The following HPSE2 variants were observed in gnomAD, a reference collection of about 807,000 sequenced individuals.
HPSE2 encodes inactive heparanase-2.
A neutral mutation model predicts 60.5 loss-of-function variants in HPSE2; 38 were observed. The observed-to-expected ratio is 0.63, with a 90% confidence interval of 0.48 to 0.82. HPSE2 has a LOEUF of 0.82. Ranked by LOEUF, HPSE2 falls within the 40% of genes least tolerant of loss-of-function variation. The pLI, the probability that HPSE2 is intolerant of heterozygous loss-of-function variation, is 0.00. For missense variants in HPSE2, 713 were observed against 740.4 expected, an observed-to-expected ratio of 0.96 and a Z score of 0.43; for synonymous variants, 295 against 293.2, an observed-to-expected ratio of 1.01 and a Z score of -0.06.
chr10:98,870,878 C>T (rs1048432800), intron 3 of HPSE2, among the ~76,000 whole-genome samples: 5 of 151,340 alleles, frequency 3.3e-5, no homozygotes, highest in African/African-American at 4.9e-5. Flanking sequence ...TCATGAATGG[C>T]TTGATGCTAT....
intron 3 of HPSE2, among the ~76,000 whole-genome samples, chr10:98,764,805 C>T (rs1377019413): frequency 1.3e-5 from 2 of 151,966 alleles, no homozygotes; most frequent in South Asian, 2.1e-4. Context: ...TGCAGTGAGC[C>T]GAGATGGCAC....
At chr10:98,916,621 G>A (rs914187805) in intron 3 of HPSE2, among the ~76,000 whole-genome samples, 1 of 152,186 alleles carries the variant, frequency 6.6e-6, no homozygotes, top group African/African-American at 2.4e-5. Flanking sequence ...CCTCTGGCTT[G>A]TCACAAAACT....
In HPSE2 at chr10:98,721,698, A is replaced by G. The variant is rs1448333389; in HGVS notation, c.915T>C (p.Asn305=). The change falls in exon 5 of 12, where the codon AAT becomes AAC. Residue 305 remains asparagine (N), a synonymous_variant. Transcript: ENST00000370552. ...IYSRASLYGP[N]IGRPRKNVIA... ...TGACATTCTTCCTCGGCCGCCCAAT[A>G]TTAGGGCCATATAAGCTGGCTCTGG... 1 of 1,613,766 alleles carries G rather than the reference A, an allele frequency of 6.2e-7. No homozygotes were observed. Among genetic ancestry groups the G allele is most frequent in the Non-Finnish European group, 8.5e-7 (1 of 1,179,922 alleles).
chr10:98,719,909 G>A (rs919491076), intron 5 of HPSE2, among the ~76,000 whole-genome samples: 6 of 151,838 alleles, frequency 4.0e-5, no homozygotes, highest in Non-Finnish European at 8.8e-5. Context: ...GTTGAGGCAG[G>A]AGAATTGCTT....
chr10:98,976,721 C>T (rs1354123451), intron 3 of HPSE2, among the ~76,000 whole-genome samples: 4 of 148,554 alleles, frequency 2.7e-5, no homozygotes, highest in Admixed American at 2.0e-4. Flanking sequence ...ACAATTGTTG[C>T]TATCCGTGGT....
chr10:98,816,957 C>G (rs1158098654), intron 3 of HPSE2, among the ~76,000 whole-genome samples: 1 of 152,054 alleles, frequency 6.6e-6, no homozygotes, highest in Non-Finnish European at 1.5e-5. Context: ...GGACTGGCTT[C>G]TTTGGAATCG....
intron 3 of HPSE2, among the ~76,000 whole-genome samples, chr10:98,816,638 G>A (rs1951296523): frequency 1.3e-5 from 2 of 152,112 alleles, no homozygotes; most frequent in South Asian, 4.1e-4. Flanking sequence ...CTCTCCAGCT[G>A]GAAGTACCCC....
intron 3 of HPSE2, among the ~76,000 whole-genome samples, chr10:98,809,547 C>T (rs568790921): frequency 6.6e-4 from 101 of 151,916 alleles, no homozygotes; most frequent in African/African-American, 2.4e-3. Flanking sequence ...TTTGTATATC[C>T]ACAGATAAAA....
At chr10:99,254,104 T>C in the HPSE2 span, among the ~76,000 whole-genome samples, 1 of 152,174 alleles carries the variant, frequency 6.6e-6, no homozygotes, top group Non-Finnish European at 1.5e-5. Flanking sequence ...CAAAAAGACA[T>C]ATGCACTCGC....
At chr10:99,185,228 C>CA (rs1319767992) in intron 2 of HPSE2, among the ~76,000 whole-genome samples, 1 of 151,610 alleles carries the variant, frequency 6.6e-6, no homozygotes. Context: ...CACTTGAACC[C>CA]AGGAGGCAGA....
chr10:98,496,845 T>A (rs1017887675), intron 9 of HPSE2, among the ~76,000 whole-genome samples: 1 of 152,184 alleles, frequency 6.6e-6, no homozygotes, highest in African/African-American at 2.4e-5. Flanking sequence ...CTGTTCAAGT[T>A]TGTAGTTTGA....
At chr10:98,798,126 G>A (rs1950822831) in intron 3 of HPSE2, among the ~76,000 whole-genome samples, 1 of 152,030 alleles carries the variant, frequency 6.6e-6, no homozygotes, top group Non-Finnish European at 1.5e-5. Flanking sequence ...TCTGGCAGCA[G>A]ATTTTTCAGT....
chr10:99,315,827 G>A, the HPSE2 span, among the ~76,000 whole-genome samples: 1 of 152,230 alleles, frequency 6.6e-6, no homozygotes. Context: ...TCACAGACAC[G>A]TTCCAAATCT....
At chr10:99,034,793 A>G (rs1230739969) in intron 3 of HPSE2, among the ~76,000 whole-genome samples, 1 of 152,172 alleles carries the variant, frequency 6.6e-6, no homozygotes, top group Non-Finnish European at 1.5e-5. Context: ...TAGGCTACAA[A>G]CCTGAACAGC....
At chr10:99,308,394 A>AAAAAAAAAAAAAAAAAAAAAAAAAAAAAC in the HPSE2 span, among the ~76,000 whole-genome samples, 1 of 149,180 alleles carries the variant, frequency 6.7e-6, no homozygotes. Context: ...AAAAAAAAAA[A>AAAAAAAAAAAAAAAAAAAAAAAAAAAAAC]AAGGAAACCA....
chr10:98,874,243 T>A (rs187922982), intron 3 of HPSE2, among the ~76,000 whole-genome samples: 17 of 152,216 alleles, frequency 1.1e-4, no homozygotes, highest in African/African-American at 3.8e-4. Flanking sequence ...TGGCTTTTGT[T>A]GCAATTGCTT....
intron 3 of HPSE2, among the ~76,000 whole-genome samples, chr10:98,974,952 T>C (rs1263346247): frequency 6.6e-6 from 1 of 152,226 alleles, no homozygotes; most frequent in Non-Finnish European, 1.5e-5. Flanking sequence ...ATTTTGATCT[T>C]CAACATAGTA....
At chr10:98,683,655 G>C (rs1474795931) in intron 6 of HPSE2, among the ~76,000 whole-genome samples, 2 of 151,658 alleles carry the variant, frequency 1.3e-5, no homozygotes, top group African/African-American at 4.8e-5. Flanking sequence ...GAAAAGTAAA[G>C]AAGAGAAAAT....
chr10:99,175,241 C>G (rs1225148073), intron 2 of HPSE2, among the ~76,000 whole-genome samples: 1 of 152,054 alleles, frequency 6.6e-6, no homozygotes, highest in East Asian at 1.9e-4. Flanking sequence ...TTTTCATACT[C>G]CAGTGGTTCC....
Sources: allele counts gnomAD v4.1 joint callset (sites outside exome capture counted in the v4.1 genomes callset), GRCh38; gene constraint gnomAD v4.1.1; transcripts MANE v1.5; gene names NCBI Gene and HGNC (gene_info 2026-07-23, HGNC 2026-07-21).